PCM1: variants seen among roughly 807,000 people sequenced by gnomAD.
PCM1 encodes the protein pericentriolar material 1.
Under a neutral mutation model 241.9 loss-of-function variants are expected in PCM1, and 157 were observed. The ratio of observed to expected loss-of-function variants is 0.65; its 90% CI spans 0.57 to 0.74. The LOEUF is 0.74. Among genes scored for constraint, PCM1 ranks in the 30% least tolerant of loss-of-function variants. The probability of loss-of-function intolerance (pLI) is 0.00; values close to 1 mark genes in which losing one functional copy is unlikely to be tolerated. For synonymous variants in PCM1, 1,085 were observed against 784.9 expected (o/e 1.38, Z -6.39); for missense variants, 3,478 against 2,360.1 (o/e 1.47, Z -9.81).
At position 18,001,311 on chromosome 8, in the gene PCM1, T is replaced by C. The variant is rs12114796; in HGVS notation, c.4828-4952T>C. On this transcript the variant is annotated intron_variant, in intron 29 of 38. Transcript: ENST00000325083. Reference sequence around the variant, plus strand: ...ACTATTACAAACACTTATTGAATGATTGAAGGTAATCTGTTTACTTTTGTT... The same window carrying C: ...ACTATTACAAACACTTATTGAATGACTGAAGGTAATCTGTTTACTTTTGTT... Among the ~76,000 whole-genome samples the C allele has an allele frequency of 3.2e-3, 487 of 152,366 alleles. 3 individuals carry two copies. Among genetic ancestry groups the C allele is most frequent in the African/African-American group, 0.011 (463 of 41,596 alleles).
At chr8:18,027,224 C>T (rs1480465079) in intron 38 of PCM1, among the ~76,000 whole-genome samples, 1 of 152,156 alleles carries the variant, frequency 6.6e-6, no homozygotes, top group African/African-American at 2.4e-5. Flanking sequence ...ATATGGTACC[C>T]TTCTCAGTTG....
intron 34 of PCM1, among the ~76,000 whole-genome samples, chr8:18,013,501 A>C (rs1018055046): frequency 1.3e-5 from 2 of 152,120 alleles, no homozygotes; most frequent in Non-Finnish European, 2.9e-5. Context: ...AACAGTTTTA[A>C]ACAACTACCA....
intron 6 of PCM1, among the ~76,000 whole-genome samples, chr8:17,940,824 G>GT (rs2061791820): frequency 6.6e-6 from 1 of 152,122 alleles, no homozygotes; most frequent in Non-Finnish European, 1.5e-5. Flanking sequence ...CAATGCTAGG[G>GT]TGTTTTTAGG....
rs957175306 is a variant in PCM1 at position 18,028,367 on chromosome 8, C to A, written c.*705C>A. The A allele has an allele frequency of 2.6e-5, 5 of 191,532 alleles. No individual in the cohort carries two copies. The Admixed American group carries it at 3.1e-4, about 12-fold the overall frequency. The allele number at this position is 191,532 out of a possible 1,614,324, so 11.9% of individuals were successfully genotyped here. On this transcript the variant is annotated 3_prime_UTR_variant, in exon 39 of 39. Coordinates refer to ENST00000325083, the MANE Select transcript of PCM1 (RefSeq NM_006197.4). ...TTCTGGAAAATATTTATCTACATCG[C>A]CTCAGACTAAAAGTAAAAAAAATAA... is the stretch of plus-strand genomic sequence containing the variant.
chr8:18,024,153 T>C (rs2093979200), intron 36 of PCM1, among the ~76,000 whole-genome samples: 1 of 152,188 alleles, frequency 6.6e-6, no homozygotes, highest in South Asian at 2.1e-4. Context: ...TGGATAGAAC[T>C]AAAAGGAGTT....
intron 1 of PCM1, among the ~76,000 whole-genome samples, chr8:17,924,458 A>G (rs147914397): frequency 1.8e-3 from 269 of 152,358 alleles, no homozygotes; most frequent in African/African-American, 5.7e-3. Flanking sequence ...CATCTTTGTT[A>G]CACTGTTCCG....
At chr8:17,998,100 A>G (rs943777870) in intron 29 of PCM1, among the ~76,000 whole-genome samples, 3 of 151,794 alleles carry the variant, frequency 2.0e-5, no homozygotes, top group Non-Finnish European at 4.4e-5. Flanking sequence ...GAGTTTCCTC[A>G]AGACAGCTAT....
At chr8:17,970,516 C>T (rs570768988) in intron 22 of PCM1, among the ~76,000 whole-genome samples, 24 of 151,704 alleles carry the variant, frequency 1.6e-4, no homozygotes, top group Admixed American at 9.9e-4. Flanking sequence ...GATTAACATC[C>T]GTTACTTTGT....
chr8:18,000,771 G>C (rs1368110750), intron 29 of PCM1, among the ~76,000 whole-genome samples: 1 of 152,142 alleles, frequency 6.6e-6, no homozygotes, highest in East Asian at 1.9e-4. Context: ...ACAGGTGCCT[G>C]TCACCATGCC....
In PCM1 at chr8:17,955,580, T is replaced by C. The variant is rs1471651854; in HGVS notation, c.1399T>C (p.Tyr467His). 1.9e-6 allele frequency: 3 copies of C among 1,613,608 alleles called. No homozygotes were observed. The highest frequency in any genetic ancestry group is 8.5e-7 in the Non-Finnish European group (1 of 1,179,668). Residue 467 changes from tyrosine (Y) to histidine (H), a missense_variant, in exon 10 of 39, where the codon TAT (tyrosine) becomes CAT (histidine). Transcript: ENST00000325083. ...ESNSLTSSVP[Y>H]PTASLVSQNE... ...CAATAGCCTCACATCATCTGTTCCT[T>C]ATCCTACTGCTTCTCTAGTATCTCA...
chr8:17,935,736 G>C, intron 3 of PCM1, 30 bp downstream of exon 3: 1 of 1,010,300 alleles, frequency 9.9e-7, no homozygotes. Context: ...ATGGTGTGTT[G>C]TTGGCTATTA....
At chr8:17,953,740 C>T (rs1173005562) in intron 9 of PCM1, among the ~76,000 whole-genome samples, 1 of 152,022 alleles carries the variant, frequency 6.6e-6, no homozygotes, top group African/African-American at 2.4e-5. Context: ...CTTTTTTGCT[C>T]CACACGTGTT....
chr8:18,010,633 G>A lies in PCM1; in HGVS notation c.5185G>A (p.Gly1729Ser). The change falls in exon 32 of 39, where the codon GGC becomes AGC. Residue 1729 changes from glycine to serine, a missense_variant. Gly to Ser is a moderately conservative substitution (Grantham distance 56). Transcript: ENST00000325083. ...GGCTAAAAGGATTCTTGAAGATCAT[G>A]GCTCACCTGCTGGAGAGATTGATGA... is the stretch of plus-strand genomic sequence containing the variant. ...KEAKRILEDH[G>S]SPAGEIDDED... is the part of the protein sequence containing the mutation. 2 of 1,603,840 alleles carry A rather than the reference G, an allele frequency of 1.2e-6. No homozygotes were observed. Among genetic ancestry groups the A allele is most frequent in the East Asian group, 2.3e-5 (1 of 44,350 alleles).
At chr8:17,981,528 A>G (rs1168045350) in intron 24 of PCM1, among the ~76,000 whole-genome samples, 1 of 151,844 alleles carries the variant, frequency 6.6e-6, no homozygotes, top group Non-Finnish European at 1.5e-5. Flanking sequence ...CATCTCAAAG[A>G]AATATGGAGA....
At chr8:17,981,331 A>G (rs754482427) in intron 24 of PCM1, among the ~76,000 whole-genome samples, 35 of 152,148 alleles carry the variant, frequency 2.3e-4, no homozygotes, top group Non-Finnish European at 4.3e-4. Flanking sequence ...TCTTAATACA[A>G]TTTTAATTCT....
intron 21 of PCM1, among the ~76,000 whole-genome samples, chr8:17,968,662 C>T (rs549351046): frequency 6.6e-6 from 1 of 151,028 alleles, no homozygotes; most frequent in South Asian, 2.1e-4. Flanking sequence ...TATATATGTA[C>T]TCAATACTTC....
chr8:18,016,921 A>AAAAG (rs1407546143), intron 36 of PCM1, among the ~76,000 whole-genome samples: 2 of 152,232 alleles, frequency 1.3e-5, no homozygotes, highest in Non-Finnish European at 2.9e-5. Flanking sequence ...GAGCCATAGC[A>AAAAG]AAAGATTTTC....
At chr8:17,951,222 T>C (rs750793208) in intron 8 of PCM1, among the ~76,000 whole-genome samples, 41 of 152,214 alleles carry the variant, frequency 2.7e-4, no homozygotes, top group Non-Finnish European at 4.9e-4. Context: ...GTAAGTGATA[T>C]AAATGCAGAT....
At chr8:17,924,411 C>G (rs1404369731) in intron 1 of PCM1, among the ~76,000 whole-genome samples, 2 of 152,126 alleles carry the variant, frequency 1.3e-5, no homozygotes, top group Non-Finnish European at 2.9e-5. Context: ...GAGGAGTAAA[C>G]TTTGGCATAG....
Sources: allele counts gnomAD v4.1 joint callset (sites outside exome capture counted in the v4.1 genomes callset), GRCh38; gene constraint gnomAD v4.1.1; transcripts MANE v1.5; gene names NCBI Gene and HGNC (gene_info 2026-07-23, HGNC 2026-07-21).